Variants in RDX observed in about 807,000 individuals in gnomAD.
RDX encodes radixin.
A neutral mutation model predicts 83.7 loss-of-function variants in RDX; 32 were observed. The observed-to-expected ratio is 0.38, with a 90% CI of 0.29 to 0.51. The LOEUF (loss-of-function observed/expected upper bound fraction) is 0.51, where lower values mean the gene tolerates loss of function less well. Ranked by LOEUF, RDX falls within the 20% of genes least tolerant of loss-of-function variation. The probability of loss-of-function intolerance (pLI) is 0.87; values close to 1 mark genes in which losing one functional copy is unlikely to be tolerated. For synonymous variants in RDX, 229 were observed against 222.7 expected (o/e 1.03, Z -0.25); for missense variants, 600 against 689.9 (o/e 0.87, Z 1.46).
chr11:110,215,971 C>G (rs1374257849), intron 14 of RDX, among the ~76,000 whole-genome samples: 3 of 152,220 alleles, frequency 2.0e-5, no homozygotes, highest in Non-Finnish European at 4.4e-5. Flanking sequence ...GAGAAGAATA[C>G]AAACTACACT....
At chr11:110,289,143 C>A (rs1861110893) in intron 1 of RDX, among the ~76,000 whole-genome samples, 1 of 148,602 alleles carries the variant, frequency 6.7e-6, no homozygotes, top group African/African-American at 2.5e-5. Context: ...GAAGCTGAGG[C>A]AGGAGAATCA....
At chr11:110,199,458 C>A in intron 15 of RDX, 1 of 635,266 alleles carries the variant, frequency 1.6e-6, no homozygotes, top group South Asian at 1.8e-5. Context: ...TTGAAATCCA[C>A]AGGTCCTGTG....
intron 1 of RDX, among the ~76,000 whole-genome samples, chr11:110,284,760 T>G (rs1193152573): frequency 6.6e-6 from 1 of 151,918 alleles, no homozygotes; most frequent in Non-Finnish European, 1.5e-5. Flanking sequence ...CCTGACCTCG[T>G]GATCCACCCG....
chr11:110,225,457 A>C (rs975721558), downstream of RDX, among the ~76,000 whole-genome samples: 7 of 152,224 alleles, frequency 4.6e-5, no homozygotes, highest in Non-Finnish European at 1.0e-4. Flanking sequence ...TTGAATAGAC[A>C]TTTCTCCAAA....
downstream of RDX, among the ~76,000 whole-genome samples, chr11:110,226,066 CAAAAAAA>C (rs56228784): frequency 6.3e-5 from 7 of 110,868 alleles, no homozygotes; most frequent in Non-Finnish European, 1.2e-4. Context: ...AACTCCATCT[CAAAAAAA>C]AAAAAAAAAA....
chr11:110,188,982 TCCAAACC>T (rs1863044626), intron 15 of RDX, among the ~76,000 whole-genome samples: 2 of 151,882 alleles, frequency 1.3e-5, no homozygotes, highest in South Asian at 4.2e-4. Context: ...CACGATAGGA[TCCAAACC>T]TCACATATCA....
At chr11:110,242,937 A>G (rs1269834552) in intron 10 of RDX, among the ~76,000 whole-genome samples, 1 of 151,936 alleles carries the variant, frequency 6.6e-6, no homozygotes, top group Non-Finnish European at 1.5e-5. Flanking sequence ...ATTATAGTAC[A>G]CAGCTGCTTT....
At chr11:110,202,397 A>G (rs1337763361) in intron 14 of RDX, among the ~76,000 whole-genome samples, 1 of 151,980 alleles carries the variant, frequency 6.6e-6, no homozygotes, top group African/African-American at 2.4e-5. Flanking sequence ...TCATCTAAAA[A>G]AAAAAATCTG....
chr11:110,227,548 A>G (rs1864473877), downstream of RDX, among the ~76,000 whole-genome samples: 1 of 152,204 alleles, frequency 6.6e-6, no homozygotes, highest in African/African-American at 2.4e-5. Context: ...GAATCTGGGC[A>G]TACAAATAAC....
chr11:110,186,570 C>T (rs901131797), intron 15 of RDX, among the ~76,000 whole-genome samples: 1 of 151,748 alleles, frequency 6.6e-6, no homozygotes. Flanking sequence ...CAAAAGACAT[C>T]CCAGATCCCA....
At chr11:110,269,858 C>T (rs975881635) in intron 3 of RDX, among the ~76,000 whole-genome samples, 2 of 151,772 alleles carry the variant, frequency 1.3e-5, no homozygotes, top group Admixed American at 6.6e-5. Flanking sequence ...GGAAACATGA[C>T]GAAACCCCAT....
chr11:110,267,816 T>C (rs1288563450), intron 3 of RDX, among the ~76,000 whole-genome samples: 1 of 149,430 alleles, frequency 6.7e-6, no homozygotes, highest in African/African-American at 2.5e-5. Flanking sequence ...ATTAGCTAAG[T>C]AGTCAAGCAA....
At chr11:110,292,154 C>T (rs1246030452) in intron 1 of RDX, among the ~76,000 whole-genome samples, 4 of 152,012 alleles carry the variant, frequency 2.6e-5, no homozygotes, top group Non-Finnish European at 5.9e-5. Flanking sequence ...TTAGCCGGGC[C>T]TGGTGGCATG....
intron 1 of RDX, among the ~76,000 whole-genome samples, chr11:110,291,467 T>C (rs1861239174): frequency 1.3e-5 from 2 of 152,198 alleles, no homozygotes; most frequent in East Asian, 1.9e-4. Flanking sequence ...AGGTATAGAA[T>C]GTGCCCCAAT....
chr11:110,263,168 G>C (rs1434201212), intron 5 of RDX, among the ~76,000 whole-genome samples: 1 of 151,886 alleles, frequency 6.6e-6, no homozygotes, highest in African/African-American at 2.4e-5. Context: ...CCAGCTACTC[G>C]GGAGGCTGAG....
At chr11:110,224,858 A>G (rs939430079), downstream of RDX, among the ~76,000 whole-genome samples, 6 of 152,172 alleles carry the variant, frequency 3.9e-5, no homozygotes, top group Non-Finnish European at 8.8e-5. Context: ...TTCTATTATG[A>G]TATCTCCTCT....
At chr11:110,252,913 C>T (rs1466966417) in intron 9 of RDX, among the ~76,000 whole-genome samples, 1 of 152,172 alleles carries the variant, frequency 6.6e-6, no homozygotes, top group African/African-American at 2.4e-5. Context: ...ACTACAGGCA[C>T]ATGCCACCAT....
chr11:110,183,712 C>G (rs1862932185), intron 15 of RDX, among the ~76,000 whole-genome samples: 1 of 152,234 alleles, frequency 6.6e-6, no homozygotes. Flanking sequence ...TACCTGTTCA[C>G]TTCTGTCCCT....
chr11:110,210,790 G>T (rs1440675589), intron 14 of RDX, among the ~76,000 whole-genome samples: 1 of 152,016 alleles, frequency 6.6e-6, no homozygotes, highest in East Asian at 1.9e-4. Context: ...AGCAAATGCT[G>T]AGAGATTTTG....
Sources: allele counts gnomAD v4.1 joint callset (sites outside exome capture counted in the v4.1 genomes callset), GRCh38; gene constraint gnomAD v4.1.1; transcripts MANE v1.5; gene names NCBI Gene and HGNC (gene_info 2026-07-23, HGNC 2026-07-21).